TET1: variants seen among roughly 807,000 people sequenced by gnomAD.
TET1 encodes the protein methylcytosine dioxygenase TET1.
TET1 carries 13 observed loss-of-function variants against 148.7 expected under a neutral mutation model. The observed-to-expected ratio is 0.09, with a 90% confidence interval of 0.06 to 0.14. The LOEUF (loss-of-function observed/expected upper bound fraction) is 0.14, where lower values mean the gene tolerates loss of function less well. Ranked by LOEUF, TET1 falls within the 10% of genes least tolerant of loss-of-function variation. The pLI is 1.00. For missense variants in TET1, 2,182 were observed against 2,553.8 expected, an observed-to-expected ratio of 0.85 and a Z score of 3.14; for synonymous variants, 907 against 937.2, an observed-to-expected ratio of 0.97 and a Z score of 0.59.
At chr10:68,563,791 C>T (rs562199967) in intron 1 of TET1, among the ~76,000 whole-genome samples, 94 of 152,344 alleles carry the variant, frequency 6.2e-4, no homozygotes, top group Middle Eastern at 3.4e-3. Flanking sequence ...AAGCAGTTCT[C>T]CTGCCTCAGC....
chr10:68,562,834 C>T (rs917004348), intron 1 of TET1, among the ~76,000 whole-genome samples: 4 of 152,126 alleles, frequency 2.6e-5, no homozygotes, highest in African/African-American at 9.7e-5. Context: ...CTTGATTTCC[C>T]CTATCCCCTT....
chr10:68,587,116 C>T (rs1395802615), intron 2 of TET1, among the ~76,000 whole-genome samples: 1 of 152,140 alleles, frequency 6.6e-6, no homozygotes, highest in Non-Finnish European at 1.5e-5. Flanking sequence ...TGGTTTCCAG[C>T]GAGATGACTA....
intron 8 of TET1, among the ~76,000 whole-genome samples, chr10:68,679,281 C>T (rs1258806922): frequency 1.3e-5 from 2 of 152,178 alleles, no homozygotes; most frequent in African/African-American, 2.4e-5. Context: ...TGCTTCTACA[C>T]AATAAATGAG....
At chr10:68,641,825 G>A (rs2054760356) in intron 3 of TET1, among the ~76,000 whole-genome samples, 1 of 152,076 alleles carries the variant, frequency 6.6e-6, no homozygotes, top group South Asian at 2.1e-4. Context: ...TTGAGACGAT[G>A]TCTCATTCTT....
rs200425295 is a variant in TET1, at chr10:68,572,701, C to G, written c.363C>G (p.Val121=). ...LSRRLSQPPL[V]VAKSKKVPLS... is the part of the protein sequence containing the mutation. Reference sequence around the variant, plus strand: ...GGCGACTCTCCCAACCCCCACTGGTCGTAGCCAAATCCAAAAAGGTTCCAC... The same window carrying G: ...GGCGACTCTCCCAACCCCCACTGGTGGTAGCCAAATCCAAAAAGGTTCCAC... The change falls in exon 2 of 12, where the codon GTC becomes GTG. Residue 121 remains valine (V), a synonymous_variant. Transcript: ENST00000373644. The G allele has an allele frequency of 6.2e-7, 1 of 1,614,040 alleles. No individual in the cohort carries two copies. Among genetic ancestry groups the G allele is most frequent in the Non-Finnish European group, 8.5e-7 (1 of 1,180,016 alleles).
In TET1 at chr10:68,572,464, G is replaced by T. The variant is rs1224328336; in HGVS notation, c.126G>T (p.Lys42Asn). ...CCAACAAAAATGTGGCATCAGTCAA[G>T]ACTTTAAGCCCTGGAAAATTAAAGC... ...KGANKNVASV[K>N]TLSPGKLKQL... The change falls in exon 2 of 12, where the codon AAG becomes AAT. Residue 42 changes from lysine to asparagine, a missense_variant. Physicochemically the swap from Lys to Asn is moderately conservative, Grantham distance 94. Transcript: ENST00000373644. The T allele has an allele frequency of 6.2e-7, 1 of 1,614,054 alleles. No individual in the cohort carries two copies. Among genetic ancestry groups the T allele is most frequent in the South Asian group, 1.1e-5 (1 of 91,056 alleles).
At chr10:68,681,690 A>G (rs938362024) in intron 9 of TET1, among the ~76,000 whole-genome samples, 9 of 152,120 alleles carry the variant, frequency 5.9e-5, no homozygotes, top group Admixed American at 2.6e-4. Flanking sequence ...TTGTTGGCCA[A>G]GCTCGTTAGC....
chr10:68,593,668 A>G (rs1220580586), intron 2 of TET1, among the ~76,000 whole-genome samples: 2 of 151,796 alleles, frequency 1.3e-5, no homozygotes, highest in Non-Finnish European at 2.9e-5. Flanking sequence ...CTGGAGAGCA[A>G]ATGGTGCGAT....
At chr10:68,624,652 C>CT (rs1391991643) in intron 3 of TET1, among the ~76,000 whole-genome samples, 21 of 57,770 alleles carry the variant, frequency 3.6e-4, no homozygotes, top group African/African-American at 2.2e-3. Context: ...TTCTTTCTTT[C>CT]TTTCTTTCTC....
intron 6 of TET1, among the ~76,000 whole-genome samples, chr10:68,661,879 T>C (rs1014598877): frequency 7.2e-5 from 5 of 69,902 alleles, no homozygotes; most frequent in Non-Finnish European, 9.9e-5. Context: ...AAATTTTTTT[T>C]CTTTTTTTTT....
intron 6 of TET1, among the ~76,000 whole-genome samples, chr10:68,662,766 G>C (rs775019792): frequency 3.3e-5 from 5 of 152,116 alleles, no homozygotes; most frequent in African/African-American, 1.2e-4. Context: ...AGCCAAGCAC[G>C]GTGGCAAGCA....
At chr10:68,680,183 T>C (rs1237800662) in intron 8 of TET1, among the ~76,000 whole-genome samples, 1 of 152,240 alleles carries the variant, frequency 6.6e-6, no homozygotes, top group Non-Finnish European at 1.5e-5. Flanking sequence ...TCTAAATTAT[T>C]GTGTAGCTTT....
At chr10:68,603,853 C>A (rs181776877) in intron 3 of TET1, among the ~76,000 whole-genome samples, 1 of 152,298 alleles carries the variant, frequency 6.6e-6, no homozygotes, top group Non-Finnish European at 1.5e-5. Context: ...AACTAAATAG[C>A]GATCTAAATC....
Position 68,578,420 on chromosome 10 carries a change from G to A in TET1, c.1914+4168G>A, listed in dbSNP as rs555594593. Among the ~76,000 whole-genome samples the A allele has an allele frequency of 1.1e-3, 163 of 152,062 alleles. No individual in the cohort carries two copies. The Middle Eastern group carries it at 0.014, about 13-fold the overall frequency. On this transcript the variant is annotated intron_variant, in intron 2 of 11. Coordinates refer to ENST00000373644, the MANE Select transcript of TET1 (RefSeq NM_030625.3). ...ATTACAGGCACCTGCCACCATGCCC[G>A]GCTAATTTTTGTATTTTTAGTAGAG...
rs1272106507 is a variant in TET1 at position 68,661,130 on chromosome 10, C to T, written c.4462-5915C>T. ...CTGCAAGCTCCGCCTCCCGGGTTCA[C>T]GCCATTCTCCTGCCTCAGCCTCCCG... On this transcript the variant is annotated intron_variant, in intron 6 of 11. Transcript: ENST00000373644. Among the ~76,000 whole-genome samples, 4 of 149,968 alleles carry T rather than the reference C, an allele frequency of 2.7e-5. No homozygotes were observed. The East Asian group carries it at 7.9e-4, about 30-fold the overall frequency.
At chr10:68,597,954 T>TG (rs1358589491) in intron 2 of TET1, among the ~76,000 whole-genome samples, 1 of 152,182 alleles carries the variant, frequency 6.6e-6, no homozygotes, top group Non-Finnish European at 1.5e-5. Flanking sequence ...CAGTATGGGC[T>TG]GGGGGAAGGC....
chr10:68,645,639 C>A lies in TET1; in HGVS notation c.2910C>A (p.Phe970Leu). The change falls in exon 4 of 12, where the codon TTC becomes TTA. Residue 970 changes from phenylalanine to leucine, a missense_variant. Coordinates refer to ENST00000373644, the MANE Select transcript of TET1 (RefSeq NM_030625.3). ...AAAGTTCATGCAACACGGTGGTTTT[C>A]AATGGGCAAACTACTACCCTTTCCA... The part of the protein sequence containing the change: ...EKQSSCNTVV[F>L]NGQTTTLSNS... The A allele has an allele frequency of 6.2e-7, 1 of 1,614,184 alleles. No individual in the cohort carries two copies.
At chr10:68,624,819 C>G (rs1201679008) in intron 3 of TET1, among the ~76,000 whole-genome samples, 1 of 148,560 alleles carries the variant, frequency 6.7e-6, no homozygotes, top group South Asian at 2.2e-4. Flanking sequence ...GCAAGCTCCG[C>G]CTTCCGGGTT....
chr10:68,690,708 T>TTA, intron 11 of TET1, 100 bp from the exon 12 acceptor site: 1 of 1,206,098 alleles, frequency 8.3e-7, no homozygotes, highest in South Asian at 1.8e-5. Context: ...CAGCGTTTTC[T>TTA]TATATAATTC....
Sources: gnomAD v4.1 joint callset for allele counts (sites outside exome capture counted in the v4.1 genomes callset) on GRCh38, gnomAD v4.1.1 for gene constraint, MANE v1.5 for transcripts, NCBI Gene and HGNC (gene_info 2026-07-23, HGNC 2026-07-21) for gene names.